The following EYS variants were observed in gnomAD, a reference collection of about 807,000 sequenced individuals.
EYS encodes protein eyes shut homolog.
EYS carries 250 observed loss-of-function variants against 282.1 expected under a neutral mutation model. That is an observed-to-expected ratio of 0.89 (90% CI 0.80 to 0.98). The LOEUF (loss-of-function observed/expected upper bound fraction) is 0.98, where lower values mean the gene tolerates loss of function less well. EYS is among the 50% of genes least tolerant of loss of function. The pLI, the probability that EYS is intolerant of heterozygous loss-of-function variation, is 0.00. For missense variants in EYS, 4,016 were observed against 3,709.0 expected (o/e 1.08, Z -2.15); for synonymous variants, 1,355 against 1,282.9 (o/e 1.06, Z -1.20).
chr6:65,588,440 G>T (rs1765127921), intron 2 of EYS, among the ~76,000 whole-genome samples: 1 of 152,004 alleles, frequency 6.6e-6, no homozygotes, highest in Non-Finnish European at 1.5e-5. Flanking sequence ...TGTGGAGATG[G>T]CAGAAGCAGT....
At chr6:65,352,179 G>A (rs1053932548) in intron 9 of EYS, among the ~76,000 whole-genome samples, 8 of 151,720 alleles carry the variant, frequency 5.3e-5, no homozygotes, top group African/African-American at 1.9e-4. Context: ...TTATGAGCAT[G>A]GTGAAATAAA....
chr6:64,329,753 G>A (rs913445912), intron 29 of EYS, among the ~76,000 whole-genome samples: 10 of 152,076 alleles, frequency 6.6e-5, no homozygotes, highest in African/African-American at 1.7e-4. Context: ...CATTGCTACC[G>A]GTGTTAAAGC....
chr6:65,561,969 C>T (rs1220278402), intron 2 of EYS, among the ~76,000 whole-genome samples: 1 of 151,134 alleles, frequency 6.6e-6, no homozygotes, highest in Non-Finnish European at 1.5e-5. Context: ...TTACAATATC[C>T]TAATTTCTCC....
intron 22 of EYS, among the ~76,000 whole-genome samples, chr6:64,799,319 T>G (rs1023984101): frequency 2.6e-5 from 4 of 151,954 alleles, no homozygotes; most frequent in Admixed American, 1.3e-4. Context: ...CCTTTGAGAT[T>G]GAGGACAAAG....
rs144296553 is a variant in EYS at position 64,321,993 on chromosome 6, G to C, written c.6079-14911C>G. ...TTGTAATATTTATGTGGTTCAAGTG[G>C]ACATAGTCTACATGTAGAAGTAAAC... is the stretch of plus-strand genomic sequence containing the variant. On this transcript the variant is annotated intron_variant, in intron 29 of 42. Transcript: ENST00000503581. Among the ~76,000 whole-genome samples the C allele has an allele frequency of 2.8e-4, 43 of 151,992 alleles. No individual in the cohort carries two copies. In the East Asian group the frequency reaches 5.8e-3, roughly 20 times the overall value.
intron 8 of EYS, among the ~76,000 whole-genome samples, chr6:65,364,840 A>G (rs1282891519): frequency 3.3e-5 from 5 of 151,780 alleles, no homozygotes; most frequent in African/African-American, 1.2e-4. Flanking sequence ...TTTTTAAAAA[A>G]TGAAATGTGT....
At chr6:64,436,291 C>G in intron 27 of EYS, 26 bp from the exon 28 acceptor site, 1 of 1,346,218 alleles carries the variant, frequency 7.4e-7, no homozygotes. Flanking sequence ...ATTTTGTCCT[C>G]AAACAGTTTT....
Position 65,495,214 on chromosome 6 carries a change from A to G in EYS, c.197T>C (p.Ile66Thr), listed in dbSNP as rs1176622159. 6.2e-7 allele frequency: 1 copy of G among 1,614,084 alleles called. No homozygotes were observed. The highest frequency in any genetic ancestry group is 8.5e-7 in the Non-Finnish European group (1 of 1,180,032). ...DCWFLGVNTK[I>T]DTSGNQAVPQ... ...AACAGCTTGATTGCCTGAAGTATCT[A>G]TTTTAGTGTTTACACCCAAAAACCA... is the stretch of plus-strand genomic sequence containing the variant. The change falls in exon 4 of 43, where the codon ATA (isoleucine) becomes ACA (threonine). Residue 66 changes from isoleucine (I) to threonine (T), a missense_variant. Physicochemically the swap from Ile to Thr is moderately conservative, Grantham distance 89. Coordinates refer to ENST00000503581, the MANE Select transcript of EYS (RefSeq NM_001142800.2).
chr6:63,753,664 C>T (rs1769403355), intron 41 of EYS, among the ~76,000 whole-genome samples: 1 of 152,134 alleles, frequency 6.6e-6, no homozygotes, highest in African/African-American at 2.4e-5. Flanking sequence ...AATCCCCTCC[C>T]TCCCTCTAGA....
intron 31 of EYS, among the ~76,000 whole-genome samples, chr6:64,097,379 C>T (rs1772663713): frequency 1.3e-5 from 2 of 152,182 alleles, no homozygotes; most frequent in Non-Finnish European, 2.9e-5. Context: ...GGCAGGCCTC[C>T]TTGAGCTGCG....
intron 35 of EYS, among the ~76,000 whole-genome samples, chr6:63,952,163 A>G (rs917895174): frequency 6.6e-6 from 1 of 152,254 alleles, no homozygotes; most frequent in Non-Finnish European, 1.5e-5. Flanking sequence ...GACCTCCTCC[A>G]TCAGGATCTT....
chr6:63,852,794 C>T (rs994051129), intron 36 of EYS, among the ~76,000 whole-genome samples: 7 of 152,120 alleles, frequency 4.6e-5, no homozygotes, highest in African/African-American at 9.7e-5. Flanking sequence ...ACGATCAAGT[C>T]GACTTCATCC....
At chr6:64,850,926 A>G (rs1765863224) in intron 19 of EYS, among the ~76,000 whole-genome samples, 1 of 152,240 alleles carries the variant, frequency 6.6e-6, no homozygotes, top group South Asian at 2.1e-4. Flanking sequence ...TGCAAGGGAT[A>G]TTAGGAATTT....
At chr6:64,997,559 A>G in intron 14 of EYS, 23 bp downstream of exon 14, 1 of 1,548,876 alleles carries the variant, frequency 6.5e-7, no homozygotes. Flanking sequence ...ATTTAGGTAT[A>G]TAAAAAGCCA....
At chr6:64,245,148 A>G (rs1157175239) in intron 30 of EYS, among the ~76,000 whole-genome samples, 3 of 152,114 alleles carry the variant, frequency 2.0e-5, no homozygotes, top group African/African-American at 7.2e-5. Flanking sequence ...AAAGACTTGG[A>G]ACCAACCCAA....
intron 5 of EYS, among the ~76,000 whole-genome samples, chr6:65,406,049 G>A (rs1019927382): frequency 6.6e-6 from 1 of 152,028 alleles, no homozygotes; most frequent in Non-Finnish European, 1.5e-5. Context: ...TGATGTGTCA[G>A]ATTTATGTTT....
chr6:64,355,577 C>G (rs2150405760), intron 29 of EYS, among the ~76,000 whole-genome samples: 1 of 151,730 alleles, frequency 6.6e-6, no homozygotes, highest in East Asian at 1.9e-4. Flanking sequence ...GCTCCAAATC[C>G]AAGTTCTCAA....
At chr6:65,321,989 C>G (rs1026599777) in intron 11 of EYS, among the ~76,000 whole-genome samples, 1 of 152,084 alleles carries the variant, frequency 6.6e-6, no homozygotes, top group Non-Finnish European at 1.5e-5. Flanking sequence ...TTTCTTTTCT[C>G]CACTCCCTCA....
chr6:65,092,465 A>C (rs1774601557), intron 12 of EYS, among the ~76,000 whole-genome samples: 3 of 152,208 alleles, frequency 2.0e-5, no homozygotes, highest in African/African-American at 4.8e-5. Context: ...ATGACTATGC[A>C]ATTGCAAATG....
Sources: allele counts gnomAD v4.1 joint callset (sites outside exome capture counted in the v4.1 genomes callset), GRCh38; gene constraint gnomAD v4.1.1; transcripts MANE v1.5; gene names NCBI Gene and HGNC (gene_info 2026-07-23, HGNC 2026-07-21).